Variants in PRR16 observed in about 807,000 individuals in gnomAD.
The protein encoded by PRR16 is protein Largen.
A neutral mutation model predicts 18.2 loss-of-function variants in PRR16; 6 were observed. The ratio of observed to expected loss-of-function variants is 0.33; its 90% confidence interval spans 0.18 to 0.65. The LOEUF is 0.65. Ranked by LOEUF, PRR16 falls within the 30% of genes least tolerant of loss-of-function variation. The probability of loss-of-function intolerance (pLI) is 0.74; values close to 1 mark genes in which losing one functional copy is unlikely to be tolerated. For missense variants in PRR16, 412 were observed against 376.6 expected (o/e 1.09, Z -0.78); for synonymous variants, 151 against 147.8 (o/e 1.02, Z -0.16).
chr5:120,623,419 G>T (rs747057675), intron 1 of PRR16, among the ~76,000 whole-genome samples: 2 of 152,098 alleles, frequency 1.3e-5, no homozygotes, highest in African/African-American at 4.8e-5. Context: ...ATTAGAACAT[G>T]GATTTTGGGT....
intron 1 of PRR16, among the ~76,000 whole-genome samples, chr5:120,545,299 A>G (rs1267045733): frequency 6.6e-6 from 1 of 152,130 alleles, no homozygotes; most frequent in Non-Finnish European, 1.5e-5. Context: ...ACGTGACATT[A>G]TAGATTGGAT....
chr5:120,591,842 A>G (rs570805018), intron 1 of PRR16, among the ~76,000 whole-genome samples: 18 of 152,232 alleles, frequency 1.2e-4, no homozygotes, highest in Middle Eastern at 6.8e-3. Flanking sequence ...AAAATGCAGA[A>G]GGGCTGAGGA....
intron 1 of PRR16, among the ~76,000 whole-genome samples, chr5:120,590,223 A>T (rs1033407380): frequency 6.6e-6 from 1 of 152,148 alleles, no homozygotes; most frequent in Non-Finnish European, 1.5e-5. Context: ...TTCAGGATCC[A>T]GCTCAGATTC....
At chr5:120,528,945 C>G (rs1002052772) in intron 1 of PRR16, among the ~76,000 whole-genome samples, 13 of 152,260 alleles carry the variant, frequency 8.5e-5, no homozygotes, top group Admixed American at 8.5e-4. Context: ...TTTGGCTTAG[C>G]CTGCCACAGA....
At chr5:120,750,714 CAT>C in the PRR16 span, among the ~76,000 whole-genome samples, 8 of 151,890 alleles carry the variant, frequency 5.3e-5, no homozygotes, top group Non-Finnish European at 7.4e-5. Context: ...TTATGAGGCA[CAT>C]GTGTTATTTT....
chr5:120,684,428 A>T (rs1472786039), intron 1 of PRR16, among the ~76,000 whole-genome samples: 5 of 152,204 alleles, frequency 3.3e-5, no homozygotes, highest in Non-Finnish European at 7.3e-5. Context: ...CATGTGACAA[A>T]GAGCCAACTT....
At chr5:120,596,414 A>G (rs1400662191) in intron 1 of PRR16, among the ~76,000 whole-genome samples, 1 of 151,784 alleles carries the variant, frequency 6.6e-6, no homozygotes, top group Admixed American at 6.6e-5. Context: ...AACTCTTCCT[A>G]GAGTTTCCCT....
chr5:120,772,855 T>C, the PRR16 span, among the ~76,000 whole-genome samples: 1 of 152,124 alleles, frequency 6.6e-6, no homozygotes, highest in Non-Finnish European at 1.5e-5. Flanking sequence ...CTTCAAGCCA[T>C]ATACAGTTTT....
intron 1 of PRR16, among the ~76,000 whole-genome samples, chr5:120,528,447 G>A (rs556510201): frequency 3.3e-5 from 5 of 152,164 alleles, no homozygotes; most frequent in African/African-American, 4.8e-5. Context: ...CCATATTCTG[G>A]TGATGGGGTA....
chr5:120,720,954 A>T, the PRR16 span, among the ~76,000 whole-genome samples: 2 of 152,014 alleles, frequency 1.3e-5, no homozygotes, highest in South Asian at 2.1e-4. Context: ...TAATCTTTCA[A>T]TGGTAATTAA....
chr5:120,480,691 G>A (rs1235757383), intron 1 of PRR16, among the ~76,000 whole-genome samples: 1 of 152,112 alleles, frequency 6.6e-6, no homozygotes, highest in African/African-American at 2.4e-5. Context: ...AAAAACACTG[G>A]CAACTGAACA....
At chr5:120,622,797 T>G (rs550999811) in intron 1 of PRR16, among the ~76,000 whole-genome samples, 1 of 152,246 alleles carries the variant, frequency 6.6e-6, no homozygotes, top group South Asian at 2.1e-4. Context: ...ATTTCATATT[T>G]TAGCTACTTC....
chr5:120,601,894 G>C (rs1185315997), intron 1 of PRR16, among the ~76,000 whole-genome samples: 7 of 151,782 alleles, frequency 4.6e-5, no homozygotes, highest in Admixed American at 3.9e-4. Context: ...CTTTACTTCT[G>C]GGTTCTGTAA....
At chr5:120,793,716 GAAGTA>G in the PRR16 span, among the ~76,000 whole-genome samples, 3 of 152,200 alleles carry the variant, frequency 2.0e-5, no homozygotes, top group Admixed American at 6.5e-5. Flanking sequence ...AGAAATGACA[GAAGTA>G]TAGTCATGTA....
chr5:120,751,020 T>C, the PRR16 span, among the ~76,000 whole-genome samples: 73 of 152,270 alleles, frequency 4.8e-4, 1 homozygote, highest in South Asian at 0.014. Context: ...CTTCCATATA[T>C]GAAGGAGATC....
At chr5:120,629,597 A>T (rs1754987709) in intron 1 of PRR16, among the ~76,000 whole-genome samples, 2 of 152,112 alleles carry the variant, frequency 1.3e-5, no homozygotes, top group African/African-American at 4.8e-5. Flanking sequence ...GAGTTGTTTT[A>T]TACAACATTG....
chr5:120,474,589 C>CT (rs151199683), intron 1 of PRR16, among the ~76,000 whole-genome samples: 2,879 of 150,250 alleles, frequency 0.019, 35 homozygotes, highest in Non-Finnish European at 0.026. Flanking sequence ...TATTTGCTAT[C>CT]TTTTTTTTAA....
chr5:120,670,161 A>C (rs956204998), intron 1 of PRR16, among the ~76,000 whole-genome samples: 2 of 152,106 alleles, frequency 1.3e-5, no homozygotes, highest in African/African-American at 4.8e-5. Context: ...TTGCCTTAAC[A>C]TTTTTAGAAG....
intron 1 of PRR16, among the ~76,000 whole-genome samples, chr5:120,568,890 G>T (rs1580734430): frequency 6.6e-6 from 1 of 152,198 alleles, no homozygotes; most frequent in Non-Finnish European, 1.5e-5. Flanking sequence ...TTTTTGGAAT[G>T]CTGTCATCAC....
Sources: allele counts gnomAD v4.1 joint callset (sites outside exome capture counted in the v4.1 genomes callset), GRCh38; gene constraint gnomAD v4.1.1; transcripts MANE v1.5; gene names NCBI Gene and HGNC (gene_info 2026-07-23, HGNC 2026-07-21).